The following ACAP2 variants were observed in gnomAD, a reference collection of about 807,000 sequenced individuals.
ACAP2 encodes the protein arf-GAP with coiled-coil, ANK repeat and PH domain-containing protein 2.
A neutral mutation model predicts 115.8 loss-of-function variants in ACAP2; 39 were observed. The observed-to-expected ratio is 0.34, with a 90% CI of 0.26 to 0.44. ACAP2 has a LOEUF of 0.44. Ranked by LOEUF, ACAP2 falls within the 20% of genes least tolerant of loss-of-function variation. ACAP2 has a pLI of 1.00. For synonymous variants in ACAP2, 289 were observed against 315.8 expected (o/e 0.92, Z 0.90); for missense variants, 662 against 927.6 (o/e 0.71, Z 3.72).
In ACAP2 at chr3:195,425,046, A is replaced by AAAAC. The variant is rs1249303241; in HGVS notation, c.53+17748_53+17749insGTTT. Among the ~76,000 whole-genome samples the AAAAC allele has an allele frequency of 7.1e-4, 106 of 149,056 alleles. 2 individuals carry two copies. Among genetic ancestry groups the AAAAC allele is most frequent in the African/African-American group, 2.4e-3 (99 of 40,906 alleles). On this transcript the variant is annotated intron_variant, in intron 1 of 22. Coordinates refer to ENST00000326793, the MANE Select transcript of ACAP2 (RefSeq NM_012287.6). ...CGTCTCAAAAAAAAAAAAAAAAAAA[A>AAAAC]AAAAAAAAGAGTTGATTGAGGTAGC... is the stretch of plus-strand genomic sequence containing the variant.
At chr3:195,339,265 T>C (rs1466856736) in intron 6 of ACAP2, among the ~76,000 whole-genome samples, 1 of 152,082 alleles carries the variant, frequency 6.6e-6, no homozygotes, top group East Asian at 1.9e-4. Flanking sequence ...GACTAGTTTC[T>C]TCTGCATGTA....
intron 1 of ACAP2, among the ~76,000 whole-genome samples, chr3:195,407,465 G>A (rs938282295): frequency 2.0e-5 from 3 of 152,290 alleles, no homozygotes; most frequent in South Asian, 4.1e-4. Flanking sequence ...CCAACACTTT[G>A]AGGAGCCAAG....
intron 9 of ACAP2, among the ~76,000 whole-genome samples, chr3:195,325,151 A>C (rs1292620023): frequency 1.3e-5 from 2 of 152,238 alleles, no homozygotes; most frequent in Non-Finnish European, 2.9e-5. Context: ...ACTCTCATAT[A>C]GTGCTATCTG....
At chr3:195,429,205 T>G (rs1037014812) in intron 1 of ACAP2, among the ~76,000 whole-genome samples, 1 of 151,784 alleles carries the variant, frequency 6.6e-6, no homozygotes, top group Non-Finnish European at 1.5e-5. Flanking sequence ...CTGGCCAACA[T>G]GATAAAACCC....
chr3:195,412,087 A>C (rs1216243739), intron 1 of ACAP2, among the ~76,000 whole-genome samples: 1 of 149,632 alleles, frequency 6.7e-6, no homozygotes, highest in East Asian at 2.0e-4. Flanking sequence ...CACTTTAGGA[A>C]GCCAAGAAAG....
intron 13 of ACAP2, among the ~76,000 whole-genome samples, chr3:195,305,868 T>C (rs1252941221): frequency 1.3e-5 from 2 of 151,988 alleles, no homozygotes; most frequent in Admixed American, 1.3e-4. Context: ...GATCTATATT[T>C]GGGAGCTGGA....
intron 4 of ACAP2, among the ~76,000 whole-genome samples, chr3:195,364,129 T>C (rs1732554392): frequency 6.6e-6 from 1 of 152,122 alleles, no homozygotes; most frequent in Non-Finnish European, 1.5e-5. Context: ...AAAAACCTTC[T>C]GCATAGCAAA....
Position 195,442,367 on chromosome 3 carries a change from T to G in ACAP2, c.53+428A>C. 3 of 207,536 alleles carry G rather than the reference T, an allele frequency of 1.4e-5. No individual in the cohort carries two copies. The South Asian group carries it at 2.7e-4, about 18-fold the overall frequency. The allele number at this position is 207,536 out of a possible 1,614,324, so 12.9% of individuals were successfully genotyped here. On this transcript the variant is annotated intron_variant, in intron 1 of 22. Coordinates refer to ENST00000326793, the MANE Select transcript of ACAP2 (RefSeq NM_012287.6). ...AACTGCAAGAGGATGCCCTGAAAGCTCCCTCAAAGAGGGGGTGGGGAGGGG... is the reference window on the plus strand; with the variant it reads ...AACTGCAAGAGGATGCCCTGAAAGCGCCCTCAAAGAGGGGGTGGGGAGGGG...
At chr3:195,306,019 C>G (rs113958621) in intron 13 of ACAP2, among the ~76,000 whole-genome samples, 2,398 of 152,048 alleles carry the variant, frequency 0.016, 54 homozygotes, top group South Asian at 0.064. Flanking sequence ...TTCTCAGGAC[C>G]CATTTACTCA....
intron 10 of ACAP2, among the ~76,000 whole-genome samples, chr3:195,317,397 CAAGT>C (rs1729167058): frequency 6.6e-6 from 1 of 152,092 alleles, no homozygotes; most frequent in African/African-American, 2.4e-5. Flanking sequence ...ATATTCTCTT[CAAGT>C]AATAAACACA....
intron 6 of ACAP2, among the ~76,000 whole-genome samples, chr3:195,341,921 A>G (rs7630300): frequency 0.013 from 1,970 of 152,252 alleles, 33 homozygotes; most frequent in African/African-American, 0.043. Context: ...GTTGTCACCT[A>G]TAAGTAGGAG....
intron 14 of ACAP2, 57 bp from the exon 15 acceptor site, chr3:195,301,701 A>AAAC: frequency 6.6e-7 from 1 of 1,508,736 alleles, no homozygotes; most frequent in Non-Finnish European, 9.1e-7. Flanking sequence ...GTATTTGCGC[A>AAAC]AGTTCTGTTT....
At chr3:195,406,135 A>C (rs1467050057) in intron 1 of ACAP2, among the ~76,000 whole-genome samples, 1 of 152,228 alleles carries the variant, frequency 6.6e-6, no homozygotes, top group Non-Finnish European at 1.5e-5. Flanking sequence ...ACATAAATGG[A>C]AAACTGGGTT....
At chr3:195,329,384 T>G (rs1009927891) in intron 8 of ACAP2, among the ~76,000 whole-genome samples, 1 of 152,158 alleles carries the variant, frequency 6.6e-6, no homozygotes, top group Admixed American at 6.5e-5. Context: ...GTATCCCTGG[T>G]CCTTCTGTGT....
intron 4 of ACAP2, chr3:195,349,866 T>C: frequency 3.2e-6 from 1 of 312,760 alleles, no homozygotes; most frequent in Non-Finnish European, 6.2e-6. Context: ...AAAACAAAGC[T>C]GTCTGGAACA....
In ACAP2 at chr3:195,339,722, G is replaced by C. The variant is rs1168393654; in HGVS notation, c.529-2746C>G. On this transcript the variant is annotated intron_variant, in intron 6 of 22. Transcript: ENST00000326793. ...ATTTGTTGGGGGTGGTGGGCATGAG[G>C]AGGCAGTGTGAGGATTCCTAACTTA... 3.9e-5 allele frequency among the ~76,000 whole-genome samples: 6 copies of C among 152,078 alleles called. No homozygotes were observed. The East Asian group carries it at 1.2e-3, about 29-fold the overall frequency.
At chr3:195,307,539 G>A (rs1300693550) in intron 11 of ACAP2, among the ~76,000 whole-genome samples, 2 of 152,132 alleles carry the variant, frequency 1.3e-5, no homozygotes, top group African/African-American at 4.8e-5. Context: ...AAATGAAATT[G>A]TTTACATATA....
chr3:195,289,803 C>CAA (rs35498756), intron 20 of ACAP2, among the ~76,000 whole-genome samples: 7,398 of 111,672 alleles, frequency 0.066, 325 homozygotes, highest in Middle Eastern at 0.1. Context: ...GACTCCGTCT[C>CAA]AAAAAAAAAA....
chr3:195,299,101 T>C (rs995737247), intron 15 of ACAP2, among the ~76,000 whole-genome samples: 8 of 152,204 alleles, frequency 5.3e-5, no homozygotes, highest in African/African-American at 1.4e-4. Context: ...AATTATTATA[T>C]ATAAAGTCTT....
Sources: allele counts gnomAD v4.1 joint callset (sites outside exome capture counted in the v4.1 genomes callset), GRCh38; gene constraint gnomAD v4.1.1; transcripts MANE v1.5; gene names NCBI Gene and HGNC (gene_info 2026-07-23, HGNC 2026-07-21).